DGKH: variants seen among roughly 807,000 people sequenced by gnomAD.
DGKH encodes the protein DAG kinase eta.
In DGKH, 90 loss-of-function variants were observed where a neutral mutation model predicts 159.3. The observed-to-expected ratio is 0.57, with a 90% CI of 0.48 to 0.67. DGKH has a LOEUF of 0.67. Ranked by LOEUF, DGKH falls within the 30% of genes least tolerant of loss-of-function variation. DGKH has a pLI of 0.00. For synonymous variants in DGKH, 536 were observed against 553.8 expected (o/e 0.97, Z 0.45); for missense variants, 1,181 against 1,506.1 (o/e 0.78, Z 3.57).
At chr13:42,088,713 G>T (rs1437752041) in intron 1 of DGKH, among the ~76,000 whole-genome samples, 1 of 151,984 alleles carries the variant, frequency 6.6e-6, no homozygotes. Context: ...CAAGAAAAAA[G>T]AAAGAAGAGA....
chr13:42,137,354 T>C (rs1955422414), intron 3 of DGKH, among the ~76,000 whole-genome samples: 1 of 152,252 alleles, frequency 6.6e-6, no homozygotes, highest in African/African-American at 2.4e-5. Flanking sequence ...ATTTCTGTTC[T>C]GAATGCTTTA....
At chr13:42,184,642 G>A (rs991832069) in intron 13 of DGKH, among the ~76,000 whole-genome samples, 3 of 151,976 alleles carry the variant, frequency 2.0e-5, no homozygotes, top group African/African-American at 4.8e-5. Flanking sequence ...CAGGAGGATC[G>A]CTTGAGGCCA....
chr13:42,214,568 G>A lies in DGKH; in HGVS notation c.3076G>A (p.Ala1026Thr). Residue 1026 changes from alanine to threonine, a missense_variant, in exon 25 of 30, where the codon GCC (alanine) becomes ACC (threonine). Transcript: ENST00000337343. ...LEQELAHAVN[A>T]CSHALNKANP... ...GCAAGAACTGGCCCATGCTGTGAAT[G>A]CCTGCTCCCATGCCCTGAATAAAGC... 1.2e-6 allele frequency: 2 copies of A among 1,613,682 alleles called. No individual in the cohort carries two copies. Among genetic ancestry groups the A allele is most frequent in the African/African-American group, 1.3e-5 (1 of 75,008 alleles).
intron 1 of DGKH, among the ~76,000 whole-genome samples, chr13:42,101,210 A>T (rs144673009): frequency 1.0e-3 from 158 of 152,310 alleles, no homozygotes; most frequent in African/African-American, 3.6e-3. Flanking sequence ...CCCAGCCCAG[A>T]CTGGCCTCTT....
chr13:42,059,905 C>CT (rs11357293), intron 1 of DGKH, among the ~76,000 whole-genome samples: 56,743 of 139,732 alleles, frequency 0.41, 12,135 homozygotes, highest in Admixed American at 0.6. Context: ...TCTCTTTTTT[C>CT]TTTTTTTTTT....
At chr13:42,044,946 A>G (rs1880721360), upstream of DGKH, among the ~76,000 whole-genome samples, 1 of 152,216 alleles carries the variant, frequency 6.6e-6, no homozygotes, top group Non-Finnish European at 1.5e-5. Context: ...CACTTCAAAA[A>G]TGTGGAAGTA....
intron 1 of DGKH, chr13:42,040,258 G>A (rs893664032): frequency 6.6e-6 from 1 of 152,214 alleles, no homozygotes; most frequent in African/African-American, 2.4e-5. Flanking sequence ...GAGAGACAGG[G>A]GCGCTGGGAG....
At chr13:42,201,007 T>TTTATTTA (rs1566185619) in intron 20 of DGKH, among the ~76,000 whole-genome samples, 5 of 116,940 alleles carry the variant, frequency 4.3e-5, no homozygotes, top group Non-Finnish European at 8.3e-5. Context: ...TTATTTATTT[T>TTTATTTA]TTTGAGATGG....
At chr13:42,151,650 A>T (rs980747204) in intron 3 of DGKH, among the ~76,000 whole-genome samples, 14 of 149,678 alleles carry the variant, frequency 9.4e-5, no homozygotes, top group African/African-American at 3.2e-4. Context: ...AAAAGAATAA[A>T]ATATATATAT....
chr13:42,142,509 T>G (rs1955592590), intron 3 of DGKH, among the ~76,000 whole-genome samples: 1 of 151,750 alleles, frequency 6.6e-6, no homozygotes, highest in Admixed American at 6.6e-5. Context: ...TTCATGATAT[T>G]GATTCTTCCT....
intron 20 of DGKH, among the ~76,000 whole-genome samples, chr13:42,205,030 G>A (rs1412660116): frequency 1.3e-5 from 2 of 152,070 alleles, no homozygotes; most frequent in African/African-American, 2.4e-5. Context: ...GCATTAAAAT[G>A]TAATTTTTAA....
chr13:42,071,570 A>C (rs1167529050), intron 1 of DGKH, among the ~76,000 whole-genome samples: 1 of 152,148 alleles, frequency 6.6e-6, no homozygotes, highest in African/African-American at 2.4e-5. Flanking sequence ...GGTAAGCACT[A>C]TTTGCGTTTT....
intron 3 of DGKH, among the ~76,000 whole-genome samples, chr13:42,131,560 G>T (rs186787130): frequency 6.6e-6 from 1 of 152,320 alleles, no homozygotes; most frequent in African/African-American, 2.4e-5. Flanking sequence ...GTTGAGGATG[G>T]TTAATAGTGG....
chr13:42,102,983 T>C (rs976738309), intron 1 of DGKH, among the ~76,000 whole-genome samples: 1 of 152,140 alleles, frequency 6.6e-6, no homozygotes, highest in Non-Finnish European at 1.5e-5. Context: ...GAGAGATGTG[T>C]TGAGAATTAA....
chr13:42,206,641 CT>C (rs66505781), intron 21 of DGKH, among the ~76,000 whole-genome samples: 146,680 of 152,120 alleles, frequency 0.96, 70,798 homozygotes, highest in Non-Finnish European at 0.99. Flanking sequence ...AAGGGAGACT[CT>C]TATTTCCCTG....
intron 21 of DGKH, among the ~76,000 whole-genome samples, chr13:42,207,025 T>TTCTTTCC: frequency 2.2e-5 from 1 of 45,018 alleles, no homozygotes; most frequent in African/African-American, 7.5e-5. Flanking sequence ...CTTTCTTTCT[T>TTCTTTCC]TTTCTTTCTT....
chr13:42,230,506 A>G lies in DGKH; in HGVS notation c.*1318A>G, dbSNP rs1274094548. The stretch of plus-strand genomic sequence containing the variant: ...ATACGTATCAAAAAGTCACAAAAAT[A>G]TCCTTAAATAAGCTTTCTTTAGCCA... On this transcript the variant is annotated 3_prime_UTR_variant, in exon 30 of 30. Coordinates refer to ENST00000337343, the MANE Select transcript of DGKH (RefSeq NM_178009.5). The G allele has an allele frequency of 6.6e-6, 1 of 152,146 alleles. No homozygotes were observed. Among genetic ancestry groups the G allele is most frequent in the Admixed American group, 6.5e-5 (1 of 15,270 alleles). 9.4% of individuals were successfully genotyped at this position (152,146 alleles called of 1,614,324 possible). A position where few individuals can be genotyped will look rare whatever the true frequency, so the allele number is the denominator to read the frequency against.
At position 42,238,963 on chromosome 13, in the gene DGKH, G is replaced by T. The variant is rs766211490; in HGVS notation, c.*9775G>T. The T allele has an allele frequency of 2.0e-5, 3 of 152,050 alleles. No homozygotes were observed. The highest frequency in any genetic ancestry group is 7.2e-5 in the African/African-American group (3 of 41,412). The allele number at this position is 152,050 out of a possible 1,614,324, so 9.4% of individuals were successfully genotyped here. ...TGTTGCATCTCACTGCCCCAAAAAT[G>T]TTGGAATGCCATATGATACAGGGAA... is the stretch of plus-strand genomic sequence containing the variant. On this transcript the variant is annotated 3_prime_UTR_variant, in exon 30 of 30. Coordinates refer to ENST00000337343, the MANE Select transcript of DGKH (RefSeq NM_178009.5).
chr13:42,109,214 G>A (rs1351542434), intron 1 of DGKH, among the ~76,000 whole-genome samples: 1 of 152,200 alleles, frequency 6.6e-6, no homozygotes, highest in East Asian at 1.9e-4. Context: ...GGTATTTACT[G>A]AGCACCGTGT....
Sources: gnomAD v4.1 joint callset for allele counts (sites outside exome capture counted in the v4.1 genomes callset) on GRCh38, gnomAD v4.1.1 for gene constraint, MANE v1.5 for transcripts, NCBI Gene and HGNC (gene_info 2026-07-23, HGNC 2026-07-21) for gene names.